The following MYO5B variants were observed in gnomAD, a reference collection of about 807,000 sequenced individuals.
MYO5B encodes the protein unconventional myosin-Vb.
MYO5B carries 143 observed loss-of-function variants against 229.3 expected under a neutral mutation model. The observed-to-expected ratio is 0.62, with a 90% CI of 0.54 to 0.72. MYO5B has a LOEUF of 0.72. Ranked by LOEUF, MYO5B falls within the 30% of genes least tolerant of loss-of-function variation. MYO5B has a pLI of 0.00. For missense variants in MYO5B, 2,321 were observed against 2,331.0 expected (o/e 1.00, Z 0.09); for synonymous variants, 918 against 885.2 (o/e 1.04, Z -0.66).
At chr18:50,136,400 A>G (rs531459644) in intron 1 of MYO5B, among the ~76,000 whole-genome samples, 104 of 145,934 alleles carry the variant, frequency 7.1e-4, no homozygotes, top group African/African-American at 2.5e-3. Context: ...CAAATTGCTA[A>G]GAAAGGAAGT....
In MYO5B at chr18:49,837,505, C is replaced by G. The variant is rs1360746175; in HGVS notation, c.5138+12G>C. The G allele has an allele frequency of 3.7e-6, 6 of 1,613,502 alleles. No individual in the cohort carries two copies. Among genetic ancestry groups the G allele is most frequent in the Non-Finnish European group, 5.1e-6 (6 of 1,179,804 alleles). ...ACTCTATCTGTGTTGTTGGGGGGTG[C>G]TCCTCCCTTACCTGAGTTGCATGCC... On this transcript the variant is annotated intron_variant, in intron 37 of 39. Coordinates refer to ENST00000285039, the MANE Select transcript of MYO5B (RefSeq NM_001080467.3).
Position 50,043,478 on chromosome 18 carries a change from TATAA to T in MYO5B, c.139-3168_139-3165del, listed in dbSNP as rs1345803985. On this transcript the variant is annotated intron_variant, in intron 2 of 39. Coordinates refer to ENST00000285039, the MANE Select transcript of MYO5B (RefSeq NM_001080467.3). ...AAATATATTTGTATATATTTACATA[TATAA>T]ATATATTTTTATATATAAATATAAA... 6.3e-3 allele frequency among the ~76,000 whole-genome samples: 551 copies of T among 87,474 alleles called. 16 individuals carry two copies. The highest frequency in any genetic ancestry group is 0.023 in the African/African-American group (519 of 22,812). 57.4% of individuals were successfully genotyped at this position (87,474 alleles called of 152,430 possible). A position where few individuals can be genotyped will look rare whatever the true frequency, so the allele number is the denominator to read the frequency against.
intron 1 of MYO5B, among the ~76,000 whole-genome samples, chr18:50,072,868 C>T (rs1191109932): frequency 6.6e-6 from 1 of 151,946 alleles, no homozygotes; most frequent in African/African-American, 2.4e-5. Context: ...ACTTGGCCTG[C>T]AAGACCAGAA....
chr18:50,020,558 C>G (rs936906858), intron 4 of MYO5B, among the ~76,000 whole-genome samples: 1 of 152,228 alleles, frequency 6.6e-6, no homozygotes, highest in Non-Finnish European at 1.5e-5. Context: ...CAGGTTCCTT[C>G]TCAACAGCAT....
chr18:49,917,367 T>C (rs569385833), intron 17 of MYO5B, among the ~76,000 whole-genome samples: 2 of 152,376 alleles, frequency 1.3e-5, no homozygotes, highest in South Asian at 2.1e-4. Context: ...GGCAGCACCG[T>C]TGGGTGTGGG....
intron 14 of MYO5B, among the ~76,000 whole-genome samples, chr18:49,950,908 T>C (rs948753061): frequency 1.1e-4 from 17 of 152,304 alleles, no homozygotes; most frequent in African/African-American, 4.1e-4. Context: ...CTTGGATTTT[T>C]ACCATTCCCT....
intron 4 of MYO5B, among the ~76,000 whole-genome samples, chr18:50,035,172 A>G (rs1289364676): frequency 6.6e-6 from 1 of 152,232 alleles, no homozygotes; most frequent in Non-Finnish European, 1.5e-5. Flanking sequence ...TAAAGCTAGA[A>G]GACTCCACAG....
At position 50,128,607 on chromosome 18, in the gene MYO5B, A is replaced by G. The variant is rs555558563; in HGVS notation, c.27+66160T>C. 3.3e-5 allele frequency among the ~76,000 whole-genome samples: 5 copies of G among 152,296 alleles called. No homozygotes were observed. The South Asian group carries it at 1.0e-3, about 32-fold the overall frequency. On this transcript the variant is annotated intron_variant, in intron 1 of 39. Transcript: ENST00000285039. ...CGTGCCTTGAGAACAGAGGACTCTC[A>G]CACTCCCTTGGATTTATCAACAGCT...
intron 29 of MYO5B, 126 bp downstream of exon 29, chr18:49,863,101 C>T (rs2024350632): frequency 1.3e-6 from 1 of 770,116 alleles, no homozygotes. Context: ...CTTTCTGTGT[C>T]CTCTAATAAA....
At chr18:49,862,147 G>A (rs1042468898) in intron 29 of MYO5B, among the ~76,000 whole-genome samples, 6 of 151,826 alleles carry the variant, frequency 4.0e-5, no homozygotes, top group South Asian at 2.1e-4. Flanking sequence ...ACAGGCACCC[G>A]CCACTACGCC....
chr18:50,064,743 T>C (rs112553253), intron 1 of MYO5B, among the ~76,000 whole-genome samples: 1,539 of 152,344 alleles, frequency 0.01, 29 homozygotes, highest in African/African-American at 0.035. Context: ...ATAACACTTA[T>C]TGAAAGGTCA....
At chr18:49,834,576 AG>A (rs2023962980) in intron 39 of MYO5B, among the ~76,000 whole-genome samples, 2 of 152,212 alleles carry the variant, frequency 1.3e-5, no homozygotes, top group Admixed American at 1.3e-4. Flanking sequence ...TCTTAGGAAA[AG>A]ACAGATTTAA....
intron 2 of MYO5B, among the ~76,000 whole-genome samples, chr18:50,042,344 T>G (rs144420579): frequency 0.017 from 2,631 of 152,236 alleles, 36 homozygotes; most frequent in Non-Finnish European, 0.03. Flanking sequence ...GTAAGAGAAT[T>G]CCCTTTATTT....
At chr18:49,990,071 T>C (rs2025912588) in intron 7 of MYO5B, among the ~76,000 whole-genome samples, 1 of 152,262 alleles carries the variant, frequency 6.6e-6, no homozygotes, top group Non-Finnish European at 1.5e-5. Flanking sequence ...ATGCTGGTTA[T>C]GATTATATGA....
At chr18:50,147,363 C>G (rs901661874) in intron 1 of MYO5B, among the ~76,000 whole-genome samples, 6 of 152,216 alleles carry the variant, frequency 3.9e-5, no homozygotes, top group Non-Finnish European at 8.8e-5. Flanking sequence ...ATCCCTGCCA[C>G]TGCCCTGTCC....
At chr18:50,094,658 GT>G (rs2031515490) in intron 1 of MYO5B, among the ~76,000 whole-genome samples, 1 of 152,166 alleles carries the variant, frequency 6.6e-6, no homozygotes, top group South Asian at 2.1e-4. Context: ...GGAGACCAGT[GT>G]TGCTTTTATC....
chr18:50,026,702 T>C (rs541186273), intron 4 of MYO5B, among the ~76,000 whole-genome samples: 74 of 152,356 alleles, frequency 4.9e-4, no homozygotes, highest in African/African-American at 1.8e-3. Context: ...ATACGACACC[T>C]ATGATGTGCC....
chr18:50,055,718 G>A lies in MYO5B; in HGVS notation c.28-340C>T, dbSNP rs543107842. Among the ~76,000 whole-genome samples, 6 of 152,122 alleles carry A rather than the reference G, an allele frequency of 3.9e-5. No individual in the cohort carries two copies. The East Asian group carries it at 1.2e-3, about 29-fold the overall frequency. On this transcript the variant is annotated intron_variant, in intron 1 of 39. Coordinates refer to ENST00000285039, the MANE Select transcript of MYO5B (RefSeq NM_001080467.3). ...GTGTTACAAAATAGCAATGTCAGAG[G>A]GAGTTATTTAGCAGGCTACAAACAA...
chr18:50,100,080 C>A (rs1033352613), intron 1 of MYO5B, among the ~76,000 whole-genome samples: 1 of 152,228 alleles, frequency 6.6e-6, no homozygotes, highest in Non-Finnish European at 1.5e-5. Flanking sequence ...TCAGCAACAA[C>A]CTGGCTAGAA....
Sources: allele counts gnomAD v4.1 joint callset (sites outside exome capture counted in the v4.1 genomes callset), GRCh38; gene constraint gnomAD v4.1.1; transcripts MANE v1.5; gene names NCBI Gene and HGNC (gene_info 2026-07-23, HGNC 2026-07-21).